Variants in TMEM209 observed in about 807,000 individuals in gnomAD.
The protein encoded by TMEM209 is transmembrane protein 209.
Under a neutral mutation model 76.2 loss-of-function variants are expected in TMEM209, and 65 were observed. The observed-to-expected ratio is 0.85, with a 90% CI of 0.70 to 1.05. The LOEUF is 1.05. Ranked by LOEUF, TMEM209 falls within the 50% of genes least tolerant of loss-of-function variation. TMEM209 has a pLI of 0.00. For missense variants in TMEM209, 623 were observed against 685.5 expected, an observed-to-expected ratio of 0.91 and a Z score of 1.02; for synonymous variants, 239 against 237.6, an observed-to-expected ratio of 1.01 and a Z score of -0.06.
chr7:130,166,680 T>C (rs1052081824), intron 14 of TMEM209, among the ~76,000 whole-genome samples, 175 bp from the exon 15 acceptor site: 2 of 152,232 alleles, frequency 1.3e-5, no homozygotes, highest in African/African-American at 2.4e-5. Flanking sequence ...AATTACTTTC[T>C]TAACTATGCC....
intron 6 of TMEM209, among the ~76,000 whole-genome samples, chr7:130,186,030 A>C (rs1797586506): frequency 6.6e-6 from 1 of 152,162 alleles, no homozygotes; most frequent in African/African-American, 2.4e-5. Context: ...TCCCAAATAG[A>C]ATTTGAGCTC....
At chr7:130,166,560 T>G in intron 14 of TMEM209, 55 bp from the exon 15 acceptor site, 1 of 1,200,366 alleles carries the variant, frequency 8.3e-7, no homozygotes, top group Non-Finnish European at 1.1e-6. Flanking sequence ...TTTAAGGTCT[T>G]TTTCTAATAA....
intron 13 of TMEM209, among the ~76,000 whole-genome samples, chr7:130,173,141 C>T (rs555936755): frequency 6.6e-6 from 1 of 151,750 alleles, no homozygotes; most frequent in South Asian, 2.1e-4. Flanking sequence ...GGGCCAGGTG[C>T]ACAGGACCAG....
chr7:130,196,984 T>C (rs1169862548), intron 5 of TMEM209, among the ~76,000 whole-genome samples: 2 of 152,158 alleles, frequency 1.3e-5, no homozygotes, highest in Non-Finnish European at 2.9e-5. Context: ...CCCAGCACTT[T>C]GGGAGGCTGA....
At chr7:130,197,351 C>T (rs931380) in intron 5 of TMEM209, among the ~76,000 whole-genome samples, 90,384 of 152,082 alleles carry the variant, frequency 0.59, 27,998 homozygotes, top group African/African-American at 0.78. Context: ...GAGGACATTA[C>T]GCTAGTGAAA....
chr7:130,190,575 A>G (rs543548658), intron 6 of TMEM209, among the ~76,000 whole-genome samples: 13 of 115,128 alleles, frequency 1.1e-4, no homozygotes, highest in African/African-American at 3.5e-4. Flanking sequence ...GTATTACAGT[A>G]AAAAAAAAAA....
chr7:130,188,843 C>T (rs1288726285), intron 6 of TMEM209, among the ~76,000 whole-genome samples: 1 of 152,128 alleles, frequency 6.6e-6, no homozygotes, highest in South Asian at 2.1e-4. Context: ...CTGAAAAGGA[C>T]ATGCCACCAC....
chr7:130,175,411 G>A (rs776976647), intron 11 of TMEM209, 101 bp downstream of exon 11: 36 of 1,080,690 alleles, frequency 3.3e-5, no homozygotes, highest in Non-Finnish European at 4.7e-5. Context: ...GCAGTGAGAC[G>A]TGACTGTGCC....
In TMEM209 at chr7:130,166,254, A is replaced by G. The variant is rs1200486901; in HGVS notation, c.*197T>C. ...GAAAAGCGATATAAAATTAAAGGCAATGTCTCGATATAGAAGATACGGGAC... is the reference window on the plus strand; with the variant it reads ...GAAAAGCGATATAAAATTAAAGGCAGTGTCTCGATATAGAAGATACGGGAC... On this transcript the variant is annotated 3_prime_UTR_variant, in exon 15 of 15. Transcript: ENST00000397622. 1 of 388,610 alleles carries G rather than the reference A, an allele frequency of 2.6e-6. No individual in the cohort carries two copies. Among genetic ancestry groups the G allele is most frequent in the African/African-American group, 2.1e-5 (1 of 48,222 alleles). The allele number at this position is 388,610 out of a possible 1,614,324, so 24.1% of individuals were successfully genotyped here.
intron 11 of TMEM209, 164 bp downstream of exon 11, chr7:130,175,348 C>A (rs1182711653): frequency 5.3e-6 from 3 of 570,636 alleles, no homozygotes; most frequent in Admixed American, 3.5e-5. Context: ...CTAGTCCCAG[C>A]TACTTGGGAG....
chr7:130,178,751 C>T (rs1043721138), intron 9 of TMEM209, among the ~76,000 whole-genome samples: 1 of 151,956 alleles, frequency 6.6e-6, no homozygotes, highest in Admixed American at 6.6e-5. Flanking sequence ...TAGCACTAAC[C>T]ACTGTCCAAT....
intron 6 of TMEM209, among the ~76,000 whole-genome samples, chr7:130,188,591 G>C (rs1424110347): frequency 3.3e-5 from 3 of 90,892 alleles, no homozygotes; most frequent in Non-Finnish European, 4.1e-5. Context: ...GTGAGACTCC[G>C]TATCAAAAAA....
Position 130,185,370 on chromosome 7 carries a change from A to G in TMEM209, c.776-3T>C. On this transcript the variant is annotated splice_polypyrimidine_tract_variant and splice_region_variant and intron_variant, in intron 6 of 14. Transcript: ENST00000397622. ...AGGAGAGGTAGAATCTGGGCTCCCT[A>G]CAATTGTTAAGATAAACAGTATCAG... 1.2e-6 allele frequency: 2 copies of G among 1,613,040 alleles called. No individual in the cohort carries two copies. Among genetic ancestry groups the G allele is most frequent in the Non-Finnish European group, 1.7e-6 (2 of 1,179,236 alleles).
rs1281314237 is a variant in TMEM209, at chr7:130,204,112, T to A, written c.4-2A>T. 2 of 1,596,736 alleles carry A rather than the reference T, an allele frequency of 1.3e-6. No homozygotes were observed. The highest frequency in any genetic ancestry group is 3.6e-5 in the Admixed American group (2 of 55,436). On this transcript the variant is annotated splice_acceptor_variant, in intron 1 of 14. Transcript: ENST00000397622. LOFTEE classifies it high-confidence loss of function. ...ACTAGGGTGTGCCTCCCCCTGCATC[T>A]ATGAAAAAACAAAAAGCACAGGAAT...
intron 1 of TMEM209, chr7:130,205,129 C>CA (rs1798397986): frequency 6.9e-7 from 1 of 1,446,532 alleles, no homozygotes; most frequent in Non-Finnish European, 9.1e-7. Flanking sequence ...CCACAGAGGA[C>CA]AGAGCAATAG....
intron 5 of TMEM209, among the ~76,000 whole-genome samples, chr7:130,193,758 A>C (rs1234298408): frequency 6.6e-6 from 1 of 151,322 alleles, no homozygotes; most frequent in Admixed American, 6.6e-5. Flanking sequence ...GTGCAGTTTC[A>C]TTCTGTATGA....
chr7:130,181,533 A>T (rs1019358229), intron 9 of TMEM209, 90 bp downstream of exon 9: 1 of 1,129,788 alleles, frequency 8.9e-7, no homozygotes. Context: ...CCCCAAGGTA[A>T]CAAAATAAGT....
intron 3 of TMEM209, 101 bp downstream of exon 3, chr7:130,203,687 T>A: frequency 1.9e-6 from 2 of 1,039,982 alleles, no homozygotes; most frequent in Non-Finnish European, 2.8e-6. Flanking sequence ...CAGCAGGCAG[T>A]CAAATACTTG....
intron 5 of TMEM209, among the ~76,000 whole-genome samples, chr7:130,195,762 T>C (rs1387310548): frequency 6.6e-6 from 1 of 152,166 alleles, no homozygotes; most frequent in African/African-American, 2.4e-5. Context: ...TATTTTGTGC[T>C]TTAAGTTTTA....
Sources: allele counts gnomAD v4.1 joint callset (sites outside exome capture counted in the v4.1 genomes callset), GRCh38; gene constraint gnomAD v4.1.1; transcripts MANE v1.5; gene names NCBI Gene and HGNC (gene_info 2026-07-23, HGNC 2026-07-21).